GPC5: variants seen among roughly 807,000 people sequenced by gnomAD.
GPC5 encodes glypican 5, also known as glypican-5.
Under a neutral mutation model 53.9 loss-of-function variants are expected in GPC5, and 47 were observed. That is an observed-to-expected ratio of 0.87 (90% CI 0.69 to 1.11). The LOEUF is 1.11. Among genes scored for constraint, GPC5 ranks in the 50% most tolerant of loss-of-function variants. The pLI, the probability that GPC5 is intolerant of heterozygous loss-of-function variation, is 0.00. For synonymous variants in GPC5, 286 were observed against 263.3 expected (o/e 1.09, Z -0.84); for missense variants, 748 against 713.1 (o/e 1.05, Z -0.56).
At chr13:92,781,307 T>G (rs995171112) in intron 7 of GPC5, among the ~76,000 whole-genome samples, 21 of 152,130 alleles carry the variant, frequency 1.4e-4, no homozygotes, top group African/African-American at 4.6e-4. Context: ...AACTTACTAC[T>G]GAACAGGTTT....
At chr13:91,596,992 C>T (rs2033017611) in intron 2 of GPC5, among the ~76,000 whole-genome samples, 1 of 152,184 alleles carries the variant, frequency 6.6e-6, no homozygotes, top group Non-Finnish European at 1.5e-5. Context: ...TTTCTCCAGA[C>T]TCTCTGCAGT....
At chr13:92,678,672 A>G (rs189332304) in intron 7 of GPC5, among the ~76,000 whole-genome samples, 95 of 152,302 alleles carry the variant, frequency 6.2e-4, no homozygotes, top group African/African-American at 2.3e-3. Context: ...CTTAGATGTC[A>G]TCGTGGAGAT....
chr13:92,787,352 C>A (rs188219048), intron 7 of GPC5, among the ~76,000 whole-genome samples: 47 of 151,944 alleles, frequency 3.1e-4, no homozygotes, highest in African/African-American at 8.4e-4. Context: ...GAAACAAAAT[C>A]AGACAGACAT....
At chr13:91,610,465 G>A (rs1344844854) in intron 2 of GPC5, among the ~76,000 whole-genome samples, 1 of 152,246 alleles carries the variant, frequency 6.6e-6, no homozygotes, top group South Asian at 2.1e-4. Context: ...GGCAAACAAA[G>A]GGATAGGCTA....
chr13:91,880,334 T>C (rs2138948052), intron 5 of GPC5, among the ~76,000 whole-genome samples: 1 of 152,238 alleles, frequency 6.6e-6, no homozygotes, highest in African/African-American at 2.4e-5. Context: ...GATTTTATCA[T>C]ATTTGCTATA....
chr13:91,981,204 G>C (rs917359671), intron 6 of GPC5, among the ~76,000 whole-genome samples: 3 of 151,998 alleles, frequency 2.0e-5, no homozygotes, highest in Admixed American at 2.0e-4. Flanking sequence ...GAAATTTTGA[G>C]CTATTCTACA....
chr13:92,071,087 T>G (rs1427030369), intron 6 of GPC5, among the ~76,000 whole-genome samples: 1 of 152,012 alleles, frequency 6.6e-6, no homozygotes, highest in African/African-American at 2.4e-5. Flanking sequence ...AATACAAAAA[T>G]TAGCCAGGCG....
At chr13:91,558,219 T>C (rs1397003936) in intron 2 of GPC5, among the ~76,000 whole-genome samples, 3 of 152,080 alleles carry the variant, frequency 2.0e-5, no homozygotes, top group Middle Eastern at 3.2e-3. Flanking sequence ...TCTTGGTAAG[T>C]ACCATGTGTA....
chr13:92,820,283 C>G (rs1016296681), intron 7 of GPC5, among the ~76,000 whole-genome samples: 5 of 152,124 alleles, frequency 3.3e-5, no homozygotes, highest in Non-Finnish European at 7.4e-5. Flanking sequence ...ATCAAAGACA[C>G]CAGCTTCTCC....
intron 7 of GPC5, among the ~76,000 whole-genome samples, chr13:92,158,960 T>G (rs545172103): frequency 6.6e-6 from 1 of 152,182 alleles, no homozygotes; most frequent in Non-Finnish European, 1.5e-5. Flanking sequence ...CAAACTAAAC[T>G]CTTTCATTTT....
chr13:91,612,408 A>G (rs1009529948), intron 2 of GPC5, among the ~76,000 whole-genome samples: 2 of 152,218 alleles, frequency 1.3e-5, no homozygotes, highest in African/African-American at 4.8e-5. Context: ...TAAGTTTTCC[A>G]TCAGTTAAGC....
chr13:92,461,111 A>C (rs1345172857), intron 7 of GPC5, among the ~76,000 whole-genome samples: 1 of 152,218 alleles, frequency 6.6e-6, no homozygotes, highest in Non-Finnish European at 1.5e-5. Context: ...ATAAAAAATA[A>C]ATCCTGTAAA....
At chr13:92,128,562 C>A (rs1271602691) in intron 6 of GPC5, among the ~76,000 whole-genome samples, 1 of 152,200 alleles carries the variant, frequency 6.6e-6, no homozygotes, top group Non-Finnish European at 1.5e-5. Context: ...ACCAACAAGA[C>A]ATTTTTACTT....
intron 7 of GPC5, among the ~76,000 whole-genome samples, chr13:92,859,457 T>C (rs983933871): frequency 3.9e-5 from 6 of 152,130 alleles, no homozygotes; most frequent in African/African-American, 1.4e-4. Context: ...ATTATTTTAA[T>C]TTTTAATAGC....
chr13:91,605,518 G>T (rs1478549695), intron 2 of GPC5, among the ~76,000 whole-genome samples: 1 of 17,996 alleles, frequency 5.6e-5, no homozygotes, highest in East Asian at 2.2e-3. Flanking sequence ...GATGGGGATG[G>T]CATTGAATCT....
intron 5 of GPC5, among the ~76,000 whole-genome samples, chr13:91,832,021 C>T (rs1399911389): frequency 2.6e-5 from 4 of 151,812 alleles, no homozygotes; most frequent in Non-Finnish European, 5.9e-5. Context: ...CCTTGTTAAC[C>T]TTCTGTCTCA....
chr13:92,116,875 T>C (rs1252550231), intron 6 of GPC5, among the ~76,000 whole-genome samples: 4 of 152,256 alleles, frequency 2.6e-5, no homozygotes, highest in Non-Finnish European at 5.9e-5. Context: ...AATTTTTTGC[T>C]CATTTTTTGT....
chr13:92,615,596 A>G (rs1884655220), intron 7 of GPC5, among the ~76,000 whole-genome samples: 1 of 152,186 alleles, frequency 6.6e-6, no homozygotes, highest in Non-Finnish European at 1.5e-5. Flanking sequence ...CTAGAGTAAA[A>G]TTACCAAATT....
chr13:92,755,559 T>C (rs1874823284), intron 7 of GPC5, among the ~76,000 whole-genome samples: 1 of 150,176 alleles, frequency 6.7e-6, no homozygotes, highest in African/African-American at 2.4e-5. Flanking sequence ...TTTGAAAGGA[T>C]CAACAAAATA....
Sources: allele counts gnomAD v4.1 joint callset (sites outside exome capture counted in the v4.1 genomes callset), GRCh38; gene constraint gnomAD v4.1.1; transcripts MANE v1.5; gene names NCBI Gene and HGNC (gene_info 2026-07-23, HGNC 2026-07-21).